Variants in HDAC4 observed in about 807,000 individuals in gnomAD.
HDAC4 encodes the protein histone deacetylase 4, also known as histone deacetylase A.
In HDAC4, 16 loss-of-function variants were observed where a neutral mutation model predicts 135.1. That is an observed-to-expected ratio of 0.12 (90% CI 0.08 to 0.18). HDAC4 has a LOEUF of 0.18. HDAC4 is among the 10% of genes least tolerant of loss of function. The pLI is 1.00. For missense variants in HDAC4, 1,143 were observed against 1,511.8 expected, an observed-to-expected ratio of 0.76 and a Z score of 4.05; for synonymous variants, 685 against 653.4, an observed-to-expected ratio of 1.05 and a Z score of -0.74.
chr2:239,395,940 G>T (rs1268095642), intron 1 of HDAC4, among the ~76,000 whole-genome samples: 1 of 152,076 alleles, frequency 6.6e-6, no homozygotes, highest in Non-Finnish European at 1.5e-5. Flanking sequence ...AGAGCAATTC[G>T]GTAATCACTA....
intron 5 of HDAC4, among the ~76,000 whole-genome samples, chr2:239,172,295 T>A (rs2411426): frequency 0.16 from 14,928 of 93,532 alleles, 963 homozygotes; most frequent in Non-Finnish European, 0.21. Flanking sequence ...TGAAAAAAAA[T>A]ATATATATAT....
intron 3 of HDAC4, chr2:239,191,060 C>T (rs1346010960): frequency 6.6e-6 from 3 of 455,766 alleles, no homozygotes; most frequent in Non-Finnish European, 4.5e-6. Context: ...GAAAACTTCA[C>T]TGAGAGTCCA....
intron 12 of HDAC4, among the ~76,000 whole-genome samples, chr2:239,120,126 C>T (rs1483751121): frequency 6.6e-6 from 1 of 152,232 alleles, no homozygotes; most frequent in Non-Finnish European, 1.5e-5. Context: ...GGCTGAATCC[C>T]AGCATCCGGT....
chr2:239,269,373 G>A lies in HDAC4; in HGVS notation c.23-32709C>T, dbSNP rs557753953. Among the ~76,000 whole-genome samples, 162 of 152,084 alleles carry A rather than the reference G, an allele frequency of 1.1e-3. 2 individuals carry two copies. The highest frequency in any genetic ancestry group is 3.8e-3 in the African/African-American group (158 of 41,450). The stretch of plus-strand genomic sequence containing the variant: ...TCTACATACACGTGCATGCATGCAT[G>A]CACCTAGCAAATATTGTACATTGTC... On this transcript the variant is annotated intron_variant, in intron 2 of 26. Coordinates refer to ENST00000543185, the MANE Select transcript of HDAC4 (RefSeq NM_001378414.1).
chr2:239,340,422 G>C (rs1438824104), intron 2 of HDAC4, among the ~76,000 whole-genome samples: 1 of 152,250 alleles, frequency 6.6e-6, no homozygotes, highest in African/African-American at 2.4e-5. Context: ...CTGAGCTCCA[G>C]TCTGCCACCC....
chr2:239,179,013 G>T (rs1396420210), intron 4 of HDAC4, among the ~76,000 whole-genome samples: 2 of 151,786 alleles, frequency 1.3e-5, no homozygotes, highest in Non-Finnish European at 2.9e-5. Flanking sequence ...AGAGTGGGGT[G>T]TGTGTGCGAG....
chr2:239,087,518 C>A, intron 19 of HDAC4, 41 bp downstream of exon 19: 1 of 1,597,934 alleles, frequency 6.3e-7, no homozygotes, highest in Non-Finnish European at 8.6e-7. Context: ...GGAAGGAAGA[C>A]CTGGGTTCCC....
At chr2:239,159,508 T>TCATGCCTCACACCCACCCACACCC (rs2042651568) in intron 6 of HDAC4, among the ~76,000 whole-genome samples, 1 of 129,418 alleles carries the variant, frequency 7.7e-6, no homozygotes, top group Non-Finnish European at 1.7e-5. Flanking sequence ...CACCCACACT[T>TCATGCCTCACACCCACCCACACCC]CATGCCTCAC....
intron 17 of HDAC4, chr2:239,091,376 G>A (rs939869182): frequency 3.9e-5 from 6 of 152,340 alleles, no homozygotes; most frequent in South Asian, 2.1e-4. Flanking sequence ...CCGGGGACTT[G>A]GGGGTGCCCA....
intron 7 of HDAC4, chr2:239,154,885 A>C (rs915248561): frequency 3.3e-5 from 5 of 152,310 alleles, no homozygotes; most frequent in African/African-American, 1.2e-4. Flanking sequence ...CAGAAGCTCT[A>C]GGTTCACTTT....
rs1227228219 is a variant in HDAC4, at chr2:239,400,449, C to A, written c.-220+529G>T. The A allele has an allele frequency of 4.8e-5, 7 of 146,400 alleles. No homozygotes were observed. Among genetic ancestry groups the A allele is most frequent in the Non-Finnish European group, 7.6e-5 (5 of 65,810 alleles). The allele number at this position is 146,400 out of a possible 1,614,324, so 9.1% of individuals were successfully genotyped here. ...GCCGTGCCCACCCCCGCGCCCCCGC[C>A]CCGGCGGGCGAAGCCGCCTCGCGGC... On this transcript the variant is annotated intron_variant, in intron 1 of 26. Coordinates refer to ENST00000543185, the MANE Select transcript of HDAC4 (RefSeq NM_001378414.1). The surrounding 1 kb of genome is among the most constrained non-coding windows in gnomAD (Gnocchi z 4.7).
At position 239,167,516 on chromosome 2, in the gene HDAC4, T is replaced by C. The variant is rs1269535254; in HGVS notation, c.491-3593A>G. ...ACGAGGAAGGTAAGTCTTCGATTCATGACCTTTCTAACCACCAAGGAATCT... is the reference window on the plus strand; with the variant it reads ...ACGAGGAAGGTAAGTCTTCGATTCACGACCTTTCTAACCACCAAGGAATCT... On this transcript the variant is annotated intron_variant, in intron 5 of 26. Transcript: ENST00000543185. This position sits in a 1 kb window ranked among gnomAD's most constrained non-coding sequence, Gnocchi z 4.1. Among the ~76,000 whole-genome samples the C allele has an allele frequency of 6.6e-6, 1 of 152,148 alleles. No individual in the cohort carries two copies. The highest frequency in any genetic ancestry group is 1.5e-5 in the Non-Finnish European group (1 of 68,034).
chr2:239,391,915 G>C (rs975887652), intron 1 of HDAC4, among the ~76,000 whole-genome samples: 1 of 48,672 alleles, frequency 2.1e-5, no homozygotes, highest in Middle Eastern at 7.1e-3. Flanking sequence ...AACGCAGCCC[G>C]CGTGTGCTGA....
chr2:239,321,809 C>T (rs559143493), intron 2 of HDAC4, among the ~76,000 whole-genome samples: 10 of 152,318 alleles, frequency 6.6e-5, no homozygotes, highest in African/African-American at 2.4e-4. Flanking sequence ...TTCCCCTAGA[C>T]ACTGGCTTCA....
intron 15 of HDAC4, among the ~76,000 whole-genome samples, chr2:239,106,491 G>A (rs948592046): frequency 1.3e-5 from 2 of 152,138 alleles, no homozygotes; most frequent in South Asian, 2.1e-4. Context: ...AGTGTCTGCT[G>A]GGCAATGCTG....
chr2:239,196,863 A>G (rs1335015066), intron 3 of HDAC4, among the ~76,000 whole-genome samples: 1 of 152,200 alleles, frequency 6.6e-6, no homozygotes, highest in Non-Finnish European at 1.5e-5. Flanking sequence ...TCAGGCACAG[A>G]CAAGCGGCTG....
At chr2:239,386,027 G>A (rs112115339) in intron 1 of HDAC4, among the ~76,000 whole-genome samples, 2,442 of 152,270 alleles carry the variant, frequency 0.016, 69 homozygotes, top group African/African-American at 0.056. Flanking sequence ...AATCTGGGTC[G>A]GGGAGGCTGG....
chr2:239,120,308 G>A (rs1335150766), intron 12 of HDAC4, among the ~76,000 whole-genome samples: 1 of 152,068 alleles, frequency 6.6e-6, no homozygotes, highest in Non-Finnish European at 1.5e-5. Flanking sequence ...ACCAGTGGTA[G>A]GGTGTCGGGA....
chr2:239,182,725 C>A (rs1431534134), intron 4 of HDAC4, among the ~76,000 whole-genome samples: 3 of 152,204 alleles, frequency 2.0e-5, no homozygotes, highest in African/African-American at 4.8e-5. Flanking sequence ...ATAGCACAAG[C>A]TGAGACGTCA....
Sources: allele counts gnomAD v4.1 joint callset (sites outside exome capture counted in the v4.1 genomes callset), GRCh38; gene constraint gnomAD v4.1.1; non-coding constraint Gnocchi (gnomAD v3.1); transcripts MANE v1.5; gene names NCBI Gene and HGNC (gene_info 2026-07-23, HGNC 2026-07-21).